The following SORCS1 variants were observed in gnomAD, a reference collection of about 807,000 sequenced individuals.
The protein encoded by SORCS1 is sortilin related VPS10 domain containing receptor 1, also known as VPS10 domain-containing receptor SorCS1.
In SORCS1, 60 loss-of-function variants were observed where a neutral mutation model predicts 146.1. The observed-to-expected ratio is 0.41, with a 90% CI of 0.33 to 0.51. The LOEUF is 0.51. Ranked by LOEUF, SORCS1 falls within the 20% of genes least tolerant of loss-of-function variation. The pLI is 0.21. For missense variants in SORCS1, 1,352 were observed against 1,487.6 expected, an observed-to-expected ratio of 0.91 and a Z score of 1.50; for synonymous variants, 637 against 584.0, an observed-to-expected ratio of 1.09 and a Z score of -1.31.
chr10:106,688,371 C>A (rs758143661), intron 9 of SORCS1, 33 bp from the exon 10 acceptor site: 1 of 1,605,460 alleles, frequency 6.2e-7, no homozygotes, highest in East Asian at 2.2e-5. Context: ...AAAAATACAT[C>A]AATTTGAGAA....
Position 106,850,233 on chromosome 10 carries a change from G to GCGAGACTC in SORCS1, c.627-20568_627-20561dup, listed in dbSNP as rs574490090. On this transcript the variant is annotated intron_variant, in intron 2 of 25. Transcript: ENST00000263054. Reference sequence around the variant, plus strand: ...TCTCAGACTGCTGTGCTAGCAATCAGCGAGACTCCGTGGGTGGAGGACCCT... The same window carrying GCGAGACTC: ...TCTCAGACTGCTGTGCTAGCAATCAGCGAGACTCCGAGACTCCGTGGGTGGAGGACCCT... Among the ~76,000 whole-genome samples, 406 of 152,156 alleles carry GCGAGACTC rather than the reference G, an allele frequency of 2.7e-3. 1 individual carries two copies. Among genetic ancestry groups the GCGAGACTC allele is most frequent in the African/African-American group, 8.7e-3 (362 of 41,520 alleles).
chr10:106,646,001 C>T (rs924414543), intron 18 of SORCS1, among the ~76,000 whole-genome samples: 3 of 152,198 alleles, frequency 2.0e-5, no homozygotes, highest in South Asian at 2.1e-4. Flanking sequence ...TGGTAGCTCA[C>T]GCTTGTAAAT....
At chr10:107,104,145 A>C (rs1965142118) in intron 1 of SORCS1, among the ~76,000 whole-genome samples, 1 of 151,904 alleles carries the variant, frequency 6.6e-6, no homozygotes, top group Non-Finnish European at 1.5e-5. Context: ...AGTGCAACTG[A>C]GAAATTCAAG....
At chr10:106,973,584 C>T (rs1323871070) in intron 1 of SORCS1, among the ~76,000 whole-genome samples, 4 of 152,132 alleles carry the variant, frequency 2.6e-5, no homozygotes, top group Non-Finnish European at 4.4e-5. Flanking sequence ...GAGAGACAAG[C>T]ATGTCTGCTA....
At chr10:107,128,105 ATATAAG>A (rs1293442049) in intron 1 of SORCS1, among the ~76,000 whole-genome samples, 1 of 152,214 alleles carries the variant, frequency 6.6e-6, no homozygotes, top group African/African-American at 2.4e-5. Context: ...ACACTCTTCA[ATATAAG>A]TATAAGGTCT....
chr10:106,976,344 T>TTTTGTTTTTG lies in SORCS1; in HGVS notation c.559-19765_559-19764insCAAAAACAAA, dbSNP rs1564878139. Among the ~76,000 whole-genome samples, 150 of 100,674 alleles carry TTTTGTTTTTG rather than the reference T, an allele frequency of 1.5e-3. 1 individual carries two copies. Among genetic ancestry groups the TTTTGTTTTTG allele is most frequent in the African/African-American group, 3.9e-3 (142 of 36,088 alleles). The allele number at this position is 100,674 out of a possible 152,430, so 66.0% of individuals were successfully genotyped here. On this transcript the variant is annotated intron_variant, in intron 1 of 25. Coordinates refer to ENST00000263054, the MANE Select transcript of SORCS1 (RefSeq NM_052918.5). Reference sequence around the variant, plus strand: ...ATCTAGGTTTTTTTGTTTTTTTTTTTTTTTTGAGACGGAGTCTCGCTCTGT... The same window carrying TTTTGTTTTTG: ...ATCTAGGTTTTTTTGTTTTTTTTTTTTTTGTTTTTGTTTTTGAGACGGAGTCTCGCTCTGT...
rs754789654 is a variant in SORCS1 at position 106,688,245 on chromosome 10, A to C, written c.1507T>G (p.Leu503Val). ...ITYNKGRDWR[L>V]LQAPDTDLRG... ...AGATCCGTGTCCGGCGCCTGCAGCA[A>C]ACGCCAGTCTCTGCCTTTGTTATAT... is the stretch of plus-strand genomic sequence containing the variant. Residue 503 changes from leucine (L) to valine (V), a missense_variant, in exon 10 of 26, where the codon TTG becomes GTG. By Grantham distance (32) the Leu-to-Val change is conservative. Transcript: ENST00000263054. 6.2e-7 allele frequency: 1 copy of C among 1,614,080 alleles called. No homozygotes were observed.
At chr10:107,003,169 C>T (rs977737838) in intron 1 of SORCS1, among the ~76,000 whole-genome samples, 3 of 151,950 alleles carry the variant, frequency 2.0e-5, no homozygotes, top group Non-Finnish European at 2.9e-5. Flanking sequence ...GCAGGAGAAT[C>T]GCCTGAACCT....
At chr10:106,981,009 G>A (rs1956227326) in intron 1 of SORCS1, among the ~76,000 whole-genome samples, 1 of 151,828 alleles carries the variant, frequency 6.6e-6, no homozygotes, top group Admixed American at 6.6e-5. Flanking sequence ...AAAACAACTG[G>A]GTGACACAAT....
chr10:106,643,915 C>T (rs8181408), intron 18 of SORCS1, among the ~76,000 whole-genome samples: 35,306 of 151,954 alleles, frequency 0.23, 5,144 homozygotes, highest in East Asian at 0.51. Flanking sequence ...TTCTTAGAAA[C>T]GGAAAAACTT....
chr10:106,975,720 T>G (rs773354405), intron 1 of SORCS1, among the ~76,000 whole-genome samples: 2 of 152,206 alleles, frequency 1.3e-5, no homozygotes, highest in Non-Finnish European at 2.9e-5. Context: ...ATAGCACATA[T>G]TTCCTTTCTG....
intron 2 of SORCS1, among the ~76,000 whole-genome samples, chr10:106,937,092 T>C (rs774328297): frequency 1.3e-5 from 2 of 152,220 alleles, no homozygotes; most frequent in Non-Finnish European, 2.9e-5. Context: ...TGGGAAGGAC[T>C]CATTGGGAGG....
intron 1 of SORCS1, among the ~76,000 whole-genome samples, chr10:106,985,114 G>C (rs1040375573): frequency 6.6e-6 from 1 of 152,154 alleles, no homozygotes; most frequent in African/African-American, 2.4e-5. Context: ...TTGAACCTGG[G>C]AGGTGGAAGT....
At chr10:106,978,007 G>A (rs1424604282) in intron 1 of SORCS1, among the ~76,000 whole-genome samples, 12 of 152,118 alleles carry the variant, frequency 7.9e-5, no homozygotes, top group Non-Finnish European at 1.6e-4. Flanking sequence ...TGCAAGGCAC[G>A]ATCTCGGCTC....
In SORCS1 at chr10:106,902,522, T is replaced by C. The variant is rs139683682; in HGVS notation, c.626+53991A>G. Among the ~76,000 whole-genome samples the C allele has an allele frequency of 2.0e-4, 30 of 152,280 alleles. No homozygotes were observed. The East Asian group carries it at 5.4e-3, about 27-fold the overall frequency. On this transcript the variant is annotated intron_variant, in intron 2 of 25. Coordinates refer to ENST00000263054, the MANE Select transcript of SORCS1 (RefSeq NM_052918.5). ...GGCATGAGAAAATAATATAGAGAGC[T>C]TAAAAAATGCACGGCTTATAATTTC...
chr10:106,753,074 G>GA lies in SORCS1; in HGVS notation c.959+8513dup, dbSNP rs796542801. 8.1e-3 allele frequency among the ~76,000 whole-genome samples: 1,158 copies of GA among 142,820 alleles called. 24 individuals are homozygous for GA. Among genetic ancestry groups the GA allele is most frequent in the African/African-American group, 0.028 (1,094 of 39,176 alleles). 93.7% of individuals were successfully genotyped at this position (142,820 alleles called of 152,430 possible). A position where few individuals can be genotyped will look rare whatever the true frequency, so the allele number is the denominator to read the frequency against. On this transcript the variant is annotated intron_variant, in intron 5 of 25. Coordinates refer to ENST00000263054, the MANE Select transcript of SORCS1 (RefSeq NM_052918.5). ...GTAAGAGATGAGGCAGAGTATCTTG[G>GA]AAAAAAAAAAAGCCATACCCCCTTC... is the stretch of plus-strand genomic sequence containing the variant.
chr10:106,937,677 G>A (rs1200419267), intron 2 of SORCS1, among the ~76,000 whole-genome samples: 3 of 152,014 alleles, frequency 2.0e-5, no homozygotes, highest in African/African-American at 7.2e-5. Flanking sequence ...TATGAAAATG[G>A]TCTAGGCTGG....
At chr10:106,652,264 A>C in intron 18 of SORCS1, 118 bp downstream of exon 18, 1 of 1,115,628 alleles carries the variant, frequency 9.0e-7, no homozygotes, top group Non-Finnish European at 1.2e-6. Flanking sequence ...GTAAAATAAA[A>C]ATTTTTAAAT....
chr10:106,751,312 T>G (rs967504672), intron 5 of SORCS1, among the ~76,000 whole-genome samples: 10 of 152,078 alleles, frequency 6.6e-5, no homozygotes, highest in African/African-American at 2.4e-4. Flanking sequence ...CCATACAGGA[T>G]TCTACTCAGA....
Sources: allele counts gnomAD v4.1 joint callset (sites outside exome capture counted in the v4.1 genomes callset), GRCh38; gene constraint gnomAD v4.1.1; transcripts MANE v1.5; gene names NCBI Gene and HGNC (gene_info 2026-07-23, HGNC 2026-07-21).